Variants in PTPRT observed in about 807,000 individuals in gnomAD.
The protein encoded by PTPRT is receptor-type tyrosine-protein phosphatase T.
Under a neutral mutation model 176.8 loss-of-function variants are expected in PTPRT, and 56 were observed. The observed-to-expected ratio is 0.32, with a 90% CI of 0.26 to 0.40. The LOEUF is 0.40. PTPRT is among the 10% of genes least tolerant of loss of function. PTPRT has a pLI of 1.00. For synonymous variants in PTPRT, 783 were observed against 739.0 expected, an observed-to-expected ratio of 1.06 and a Z score of -0.96; for missense variants, 1,540 against 1,908.2, an observed-to-expected ratio of 0.81 and a Z score of 3.60.
chr20:42,780,034 G>T (rs1183108371), intron 4 of PTPRT, among the ~76,000 whole-genome samples, 184 bp downstream of exon 4: 1 of 152,128 alleles, frequency 6.6e-6, no homozygotes, highest in Non-Finnish European at 1.5e-5. Flanking sequence ...TGTTGAACAG[G>T]CCGGCAAAAT....
intron 1 of PTPRT, among the ~76,000 whole-genome samples, chr20:42,980,465 C>T (rs1385639650): frequency 6.6e-6 from 1 of 152,216 alleles, no homozygotes; most frequent in African/African-American, 2.4e-5. Flanking sequence ...AATTTTTCTA[C>T]ATGCTGCAGC....
At chr20:42,803,545 T>A (rs73098094) in intron 2 of PTPRT, among the ~76,000 whole-genome samples, 42,647 of 152,190 alleles carry the variant, frequency 0.28, 7,617 homozygotes, top group Non-Finnish European at 0.4. Flanking sequence ...TGTGCTTTTT[T>A]AATTATTTAT....
chr20:42,099,546 C>T (rs909778), intron 26 of PTPRT, among the ~76,000 whole-genome samples: 8,920 of 27,880 alleles, frequency 0.32, 1,307 homozygotes, highest in Non-Finnish European at 0.38. Context: ...ATGGCCTGGG[C>T]GGGGGGGGGG....
chr20:42,943,492 G>A (rs1259545405), intron 1 of PTPRT, among the ~76,000 whole-genome samples: 2 of 152,216 alleles, frequency 1.3e-5, no homozygotes, highest in East Asian at 3.9e-4. Context: ...CCCCTCCCAG[G>A]TGCCAGGCAT....
At chr20:42,316,720 C>T (rs2057725985) in intron 11 of PTPRT, among the ~76,000 whole-genome samples, 2 of 152,168 alleles carry the variant, frequency 1.3e-5, no homozygotes, top group South Asian at 2.1e-4. Context: ...CATGCTATTG[C>T]ACAGACATCT....
chr20:42,731,842 A>G (rs1276753138), intron 6 of PTPRT, among the ~76,000 whole-genome samples: 1 of 152,182 alleles, frequency 6.6e-6, no homozygotes, highest in East Asian at 1.9e-4. Flanking sequence ...TCCTACCTCT[A>G]GAGTTTCCCA....
chr20:42,142,252 G>A (rs182384586), intron 17 of PTPRT, among the ~76,000 whole-genome samples: 5 of 152,122 alleles, frequency 3.3e-5, no homozygotes, highest in South Asian at 2.1e-4. Context: ...TGGGGGAATC[G>A]CTTGTCCATT....
chr20:42,269,547 A>G (rs2056895351), intron 13 of PTPRT, among the ~76,000 whole-genome samples: 1 of 152,248 alleles, frequency 6.6e-6, no homozygotes, highest in African/African-American at 2.4e-5. Context: ...GATGGACATC[A>G]ACCTCTGACA....
intron 6 of PTPRT, among the ~76,000 whole-genome samples, chr20:42,740,616 C>T (rs561630870): frequency 2.0e-4 from 30 of 152,232 alleles, no homozygotes; most frequent in African/African-American, 6.7e-4. Flanking sequence ...GCCCTGCTTC[C>T]GAGATGCAAA....
chr20:42,616,521 C>T (rs1309565902), intron 7 of PTPRT, among the ~76,000 whole-genome samples: 2 of 128,104 alleles, frequency 1.6e-5, no homozygotes, highest in Admixed American at 1.5e-4. Context: ...CTGTAAATTA[C>T]CTTGGGCAGT....
At chr20:42,882,537 A>T (rs1487798252) in intron 2 of PTPRT, among the ~76,000 whole-genome samples, 1 of 152,220 alleles carries the variant, frequency 6.6e-6, no homozygotes, top group African/African-American at 2.4e-5. Flanking sequence ...AGTAGCAAAG[A>T]GGAAAATACA....
chr20:42,647,250 C>T (rs2074927181), intron 7 of PTPRT, among the ~76,000 whole-genome samples: 1 of 152,040 alleles, frequency 6.6e-6, no homozygotes, highest in Non-Finnish European at 1.5e-5. Flanking sequence ...AGGTTCATAT[C>T]TTTGCCATTC....
intron 1 of PTPRT, among the ~76,000 whole-genome samples, chr20:43,065,585 T>G (rs2011105986): frequency 6.6e-6 from 1 of 152,186 alleles, no homozygotes; most frequent in Admixed American, 6.5e-5. Flanking sequence ...GATCTGTTGG[T>G]AGGAAAATGA....
intron 13 of PTPRT, among the ~76,000 whole-genome samples, chr20:42,261,076 C>G (rs1280686476): frequency 6.6e-6 from 1 of 152,112 alleles, no homozygotes; most frequent in Non-Finnish European, 1.5e-5. Flanking sequence ...AACCACAACC[C>G]AAGAGGTTTA....
intron 1 of PTPRT, among the ~76,000 whole-genome samples, chr20:43,165,375 C>G (rs2014830065): frequency 6.6e-6 from 1 of 152,104 alleles, no homozygotes; most frequent in Non-Finnish European, 1.5e-5. Flanking sequence ...GTTGGTCAGG[C>G]TGGTCTTGAA....
Position 43,009,499 on chromosome 20 carries a change from G to A in PTPRT, c.89-123567C>T, listed in dbSNP as rs575330987. Among the ~76,000 whole-genome samples, 14 of 152,284 alleles carry A rather than the reference G, an allele frequency of 9.2e-5. No homozygotes were observed. In the South Asian group the frequency reaches 2.3e-3, roughly 25 times the overall value. On this transcript the variant is annotated intron_variant, in intron 1 of 30. Transcript: ENST00000373187. ...AAGGAGGTTCCAGGAAAGGGAATTG[G>A]CAGGTGCAAAACTGCAGAAGTGAGA...
At chr20:43,151,787 C>T (rs774061611) in intron 1 of PTPRT, among the ~76,000 whole-genome samples, 7 of 151,744 alleles carry the variant, frequency 4.6e-5, no homozygotes, top group East Asian at 1.9e-4. Flanking sequence ...CACTTGAACC[C>T]GGGAGGCAGA....
intron 12 of PTPRT, among the ~76,000 whole-genome samples, chr20:42,291,673 C>T (rs17316539): frequency 0.17 from 25,498 of 151,906 alleles, 2,177 homozygotes; most frequent in South Asian, 0.2. Flanking sequence ...ATCCCAGACT[C>T]AGACACAGAC....
At chr20:42,547,749 G>A (rs1442976107) in intron 7 of PTPRT, among the ~76,000 whole-genome samples, 1 of 151,944 alleles carries the variant, frequency 6.6e-6, no homozygotes, top group East Asian at 1.9e-4. Context: ...AAGAGAAAAG[G>A]ATCAGAATGA....
Sources: allele counts gnomAD v4.1 joint callset (sites outside exome capture counted in the v4.1 genomes callset), GRCh38; gene constraint gnomAD v4.1.1; transcripts MANE v1.5; gene names NCBI Gene and HGNC (gene_info 2026-07-23, HGNC 2026-07-21).